Variants in IRAG2 observed in about 807,000 individuals in gnomAD.
The protein encoded by IRAG2 is inositol 1,4,5-triphosphate receptor associated 2.
A neutral mutation model predicts 69.9 loss-of-function variants in IRAG2; 45 were observed. The ratio of observed to expected loss-of-function variants is 0.64; its 90% CI spans 0.51 to 0.83. IRAG2 has a LOEUF of 0.83. Among genes scored for constraint, IRAG2 ranks in the 40% least tolerant of loss-of-function variants. IRAG2 has a pLI of 0.00. For missense variants in IRAG2, 520 were observed against 587.0 expected (o/e 0.89, Z 1.18); for synonymous variants, 193 against 202.4 (o/e 0.95, Z 0.40).
At chr12:25,033,920 C>T (rs149852551) in exon 13 of IRAG2, 13 of 398,898 alleles carry the variant, frequency 3.3e-5, no homozygotes, top group African/African-American at 1.6e-4. Context: ...CTTTACATTA[C>T]GAACTCACTC....
intron 6 of IRAG2, among the ~76,000 whole-genome samples, chr12:25,078,919 T>C (rs1307116978): frequency 6.6e-6 from 1 of 152,272 alleles, no homozygotes; most frequent in Non-Finnish European, 1.5e-5. Context: ...TAGAATTTTC[T>C]GTTTAAAGAA....
chr12:25,042,394 G>C (rs12580150), intron 16 of IRAG2, among the ~76,000 whole-genome samples: 1 of 152,102 alleles, frequency 6.6e-6, no homozygotes, highest in Non-Finnish European at 1.5e-5. Context: ...CTCTTTACAT[G>C]ATGATAAAAT....
rs1379585958 is a variant in IRAG2 at position 25,043,080 on chromosome 12, G to C, written c.2144+4943G>C. On this transcript the variant is annotated intron_variant, in intron 16 of 38. Transcript: ENST00000636465. ...CTCTGGACCCTCCTTCTCTCCAGGA[G>C]CACATGAATTCAACAACAATACATG... Among the ~76,000 whole-genome samples, 5 of 151,682 alleles carry C rather than the reference G, an allele frequency of 3.3e-5. No individual in the cohort carries two copies. The South Asian group carries it at 1.0e-3, about 31-fold the overall frequency.
At chr12:25,043,804 A>C (rs1280140608) in intron 16 of IRAG2, among the ~76,000 whole-genome samples, 1 of 152,196 alleles carries the variant, frequency 6.6e-6, no homozygotes, top group African/African-American at 2.4e-5. Flanking sequence ...TCTAATGCAT[A>C]GTTAAAAAGA....
intron 4 of IRAG2, among the ~76,000 whole-genome samples, chr12:25,064,415 T>C (rs11047799): frequency 0.34 from 52,140 of 152,032 alleles, 9,475 homozygotes; most frequent in East Asian, 0.67. Flanking sequence ...TGAAAGGTTT[T>C]GGGTTGAGAT....
chr12:25,046,225 T>C (rs11047784), intron 16 of IRAG2, among the ~76,000 whole-genome samples: 51,445 of 151,920 alleles, frequency 0.34, 10,332 homozygotes, highest in Admixed American at 0.49. Context: ...CTCAACATAA[T>C]AAAAGTAATG....
intron 8 of IRAG2, among the ~76,000 whole-genome samples, chr12:25,024,916 C>CA (rs1190473966): frequency 6.6e-6 from 1 of 152,204 alleles, no homozygotes; most frequent in Non-Finnish European, 1.5e-5. Context: ...GAAAGCCCTT[C>CA]ATCATGAAAT....
intron 14 of IRAG2, among the ~76,000 whole-genome samples, chr12:25,092,564 CAAAAAAAAAAA>C (rs55719913): frequency 2.0e-5 from 2 of 101,768 alleles, no homozygotes; most frequent in Non-Finnish European, 1.9e-5. Flanking sequence ...GACTCTATCT[CAAAAAAAAAAA>C]AAAAAAAAAA....
At chr12:25,035,451 G>C (rs1192416699) in intron 13 of IRAG2, 1 of 380,260 alleles carries the variant, frequency 2.6e-6, no homozygotes, top group Non-Finnish European at 4.6e-6. Flanking sequence ...TTTTCCTTAA[G>C]ACAGAATAAA....
intron 14 of IRAG2, among the ~76,000 whole-genome samples, chr12:25,096,275 G>A (rs1306783197): frequency 6.6e-6 from 1 of 152,056 alleles, no homozygotes; most frequent in African/African-American, 2.4e-5. Context: ...TATAATTCAT[G>A]TTGCTTTAGA....
intron 16 of IRAG2, among the ~76,000 whole-genome samples, chr12:25,044,856 A>G (rs1211027385): frequency 6.6e-6 from 1 of 152,128 alleles, no homozygotes; most frequent in African/African-American, 2.4e-5. Context: ...TGGATAGAAC[A>G]TTTAGACAGA....
intron 14 of IRAG2, among the ~76,000 whole-genome samples, chr12:25,091,392 C>T (rs527622455): frequency 6.0e-4 from 92 of 152,300 alleles, no homozygotes; most frequent in Admixed American, 4.7e-3. Flanking sequence ...AGCATAATGT[C>T]TTCAAGGCTT....
chr12:25,038,371 G>A (rs958826360), intron 16 of IRAG2, among the ~76,000 whole-genome samples: 7 of 152,134 alleles, frequency 4.6e-5, no homozygotes, highest in South Asian at 2.1e-4. Context: ...AGCCAAGCGC[G>A]GTGGCTCACG....
chr12:25,086,035 T>C (rs73284750), intron 10 of IRAG2, among the ~76,000 whole-genome samples: 3,115 of 152,280 alleles, frequency 0.02, 120 homozygotes, highest in African/African-American at 0.071. Context: ...TCAAGTCCTT[T>C]ACTCTTTCAT....
At chr12:25,077,642 C>T (rs1001722970) in intron 6 of IRAG2, among the ~76,000 whole-genome samples, 10 of 151,932 alleles carry the variant, frequency 6.6e-5, no homozygotes, top group Middle Eastern at 3.4e-3. Flanking sequence ...GCTTGGCCTA[C>T]GGGCTTCTTC....
At chr12:25,053,192 C>T (rs1347571030) in intron 1 of IRAG2, among the ~76,000 whole-genome samples, 1 of 151,620 alleles carries the variant, frequency 6.6e-6, no homozygotes, top group Non-Finnish European at 1.5e-5. Context: ...CTGGTTTTGT[C>T]TGTGGCTGTT....
intron 18 of IRAG2, 42 bp downstream of exon 18, chr12:25,103,941 T>A: frequency 6.2e-7 from 1 of 1,604,196 alleles, no homozygotes; most frequent in Non-Finnish European, 8.5e-7. Context: ...GGTAAATTCA[T>A]TTTCATATGA....
intron 16 of IRAG2, among the ~76,000 whole-genome samples, chr12:25,046,660 G>T (rs1944797039): frequency 6.6e-6 from 1 of 152,046 alleles, no homozygotes; most frequent in Non-Finnish European, 1.5e-5. Context: ...ACAAAATATT[G>T]ATGAGAGAAA....
At chr12:25,046,213 A>T (rs1944791939) in intron 16 of IRAG2, among the ~76,000 whole-genome samples, 1 of 152,172 alleles carries the variant, frequency 6.6e-6, no homozygotes, top group Admixed American at 6.5e-5. Context: ...GAAGAAAATT[A>T]TCTCAACATA....
Sources: gnomAD v4.1 joint callset for allele counts (sites outside exome capture counted in the v4.1 genomes callset) on GRCh38, gnomAD v4.1.1 for gene constraint, MANE v1.5 for transcripts, NCBI Gene and HGNC (gene_info 2026-07-23, HGNC 2026-07-21) for gene names.